Variants in EXOC7 observed in about 807,000 individuals in gnomAD.
EXOC7 encodes the protein exocyst complex component 7.
In EXOC7, 51 loss-of-function variants were observed where a neutral mutation model predicts 87.6. The ratio of observed to expected loss-of-function variants is 0.58; its 90% CI spans 0.46 to 0.73. EXOC7 has a LOEUF of 0.73. EXOC7 is among the 30% of genes least tolerant of loss of function. The pLI, the probability that EXOC7 is intolerant of heterozygous loss-of-function variation, is 0.00. For missense variants in EXOC7, 744 were observed against 888.4 expected, an observed-to-expected ratio of 0.84 and a Z score of 2.07; for synonymous variants, 327 against 357.1, an observed-to-expected ratio of 0.92 and a Z score of 0.95.
In EXOC7 at chr17:76,081,318, TGTGA is replaced by T. The variant is rs766215353; in HGVS notation, c.*2326_*2329del. The T allele has an allele frequency of 1.2e-6, 2 of 1,614,056 alleles. No individual in the cohort carries two copies. Among genetic ancestry groups the T allele is most frequent in the African/African-American group, 1.3e-5 (1 of 75,024 alleles). ...TCCAGGCCCACGTGGTGAACGAGAT[TGTGA>T]GTGTCAAGAGGGAATACGTAGTTTA... On this transcript the variant is annotated 3_prime_UTR_variant, in exon 19 of 19. Transcript: ENST00000589210.
intron 16 of EXOC7, 34 bp from the exon 17 acceptor site, chr17:76,084,323 A>G (rs751027636): frequency 8.1e-6 from 13 of 1,612,838 alleles, no homozygotes; most frequent in Non-Finnish European, 1.0e-5. Context: ...GAGAAAGCTC[A>G]CTTCAGAGCA....
intron 4 of EXOC7, chr17:76,101,037 G>A: frequency 1.6e-6 from 1 of 620,054 alleles, no homozygotes; most frequent in Non-Finnish European, 2.2e-6. Context: ...TATTTTATAT[G>A]TAATTTATAA....
intron 18 of EXOC7, 97 bp downstream of exon 18, chr17:76,083,909 C>T (rs1037268290): frequency 8.5e-5 from 126 of 1,489,120 alleles, no homozygotes; most frequent in Non-Finnish European, 1.1e-4. Flanking sequence ...CTGCCTAAAT[C>T]CACCACCCTT....
chr17:76,086,174 G>A, intron 12 of EXOC7, 29 bp from the exon 13 acceptor site: 1 of 1,609,622 alleles, frequency 6.2e-7, no homozygotes, highest in Non-Finnish European at 8.5e-7. Context: ...TGTTATTGCA[G>A]TGGCAGCAGC....
chr17:76,084,356 C>T lies in EXOC7; in HGVS notation c.1777-67G>A, dbSNP rs759401810. On this transcript the variant is annotated intron_variant, in intron 16 of 18. Transcript: ENST00000589210. Reference sequence around the variant, plus strand: ...GCAGAGCAGCCTTCCCCCACTCTTCCCCAAACACCCTTGGTCTGGGCCTGT... The same window carrying T: ...GCAGAGCAGCCTTCCCCCACTCTTCTCCAAACACCCTTGGTCTGGGCCTGT... 2.5e-6 allele frequency: 4 copies of T among 1,608,846 alleles called. No homozygotes were observed. In the South Asian group the frequency reaches 3.3e-5, roughly 13 times the overall value.
chr17:76,098,215 C>T (rs1242125542), intron 4 of EXOC7, 197 bp from the exon 5 acceptor site: 3 of 552,564 alleles, frequency 5.4e-6, no homozygotes, highest in Non-Finnish European at 9.7e-6. Context: ...TGGCTCACTG[C>T]AACCTCCGAC....
rs1297418232 is a variant in EXOC7, at chr17:76,083,828, T to TA, written c.1953-79dup. The TA allele has an allele frequency of 3.9e-6, 6 of 1,544,636 alleles. No homozygotes were observed. In the East Asian group the frequency reaches 1.1e-4, roughly 29 times the overall value. ...CACCCTCAGCCTAAGGCACTCCTGATAGTCTTGGAAGGGGTGGCCCTGAGC... is the reference window on the plus strand; with the variant it reads ...CACCCTCAGCCTAAGGCACTCCTGATAAGTCTTGGAAGGGGTGGCCCTGAGC... On this transcript the variant is annotated intron_variant, in intron 18 of 18. Coordinates refer to ENST00000589210, the MANE Select transcript of EXOC7 (RefSeq NM_001013839.4).
intron 6 of EXOC7, chr17:76,092,283 A>AT (rs1389295083): frequency 6.9e-6 from 1 of 143,928 alleles, no homozygotes; most frequent in Non-Finnish European, 1.5e-5. Context: ...CAACACCACA[A>AT]TTAGCTTGTT....
At chr17:76,090,565 C>T (rs113648375) in intron 7 of EXOC7, 1 of 1,343,966 alleles carries the variant, frequency 7.4e-7, no homozygotes, top group Non-Finnish European at 1.0e-6. Context: ...TACCTCAAGC[C>T]ACCTTGGGAA....
At chr17:76,092,542 C>T (rs1235917937) in intron 6 of EXOC7, 1 of 152,238 alleles carries the variant, frequency 6.6e-6, no homozygotes, top group Non-Finnish European at 1.5e-5. Context: ...AGGTGATCCG[C>T]CCGCCTCGGC....
Position 76,082,709 on chromosome 17 carries a change from G to C in EXOC7, c.*939C>G. The C allele has an allele frequency of 2.6e-6, 4 of 1,516,784 alleles. No individual in the cohort carries two copies. Among genetic ancestry groups the C allele is most frequent in the Non-Finnish European group, 3.5e-6 (4 of 1,131,390 alleles). The allele number at this position is 1,516,784 out of a possible 1,614,324, so 94.0% of individuals were successfully genotyped here. On this transcript the variant is annotated 3_prime_UTR_variant, in exon 19 of 19. Transcript: ENST00000589210. The stretch of plus-strand genomic sequence containing the variant: ...ATGAAGTTTGCTTTCCCATGGCTGG[G>C]GGCGGGCCATGACAGGGCCTCTGGA...
intron 11 of EXOC7, 110 bp from the exon 12 acceptor site, chr17:76,087,830 G>T: frequency 8.3e-7 from 1 of 1,201,262 alleles, no homozygotes; most frequent in Non-Finnish European, 1.2e-6. Flanking sequence ...GATCCGCCCA[G>T]TGAAGAGCGC....
rs1346881797 is a variant in EXOC7 at position 76,081,762 on chromosome 17, C to T, written c.*1886G>A. The T allele has an allele frequency of 6.8e-6, 11 of 1,613,928 alleles. No homozygotes were observed. The highest frequency in any genetic ancestry group is 8.5e-6 in the Non-Finnish European group (10 of 1,180,004). ...TCCTGCAACCCACTGCTCAGTAAGC[C>T]CTGCTCCCTTACCCAGTCTGCCCTG... On this transcript the variant is annotated 3_prime_UTR_variant, in exon 19 of 19. Coordinates refer to ENST00000589210, the MANE Select transcript of EXOC7 (RefSeq NM_001013839.4).
Position 76,088,445 on chromosome 17 carries a change from A to G in EXOC7, c.1299+19T>C. 6.2e-7 allele frequency: 1 copy of G among 1,610,228 alleles called. No homozygotes were observed. The highest frequency in any genetic ancestry group is 8.5e-7 in the Non-Finnish European group (1 of 1,177,404). ...GTGCTGGGCCGGGAGGGAGGGAGAA[A>G]GGGGAGGACAGCAGGGACCTTGATG... is the stretch of plus-strand genomic sequence containing the variant. On this transcript the variant is annotated intron_variant, in intron 10 of 18. Transcript: ENST00000589210.
At chr17:76,103,111 G>A (rs183934218) in intron 2 of EXOC7, 1 of 541,788 alleles carries the variant, frequency 1.8e-6, no homozygotes, top group Non-Finnish European at 3.3e-6. Flanking sequence ...AGAGAAGGAA[G>A]AATGGCGAGC....
Position 76,084,023 on chromosome 17 carries a change from G to A in EXOC7, c.1935C>T (p.Tyr645=), listed in dbSNP as rs528574534. Residue 645 remains tyrosine, a synonymous_variant, in exon 18 of 19, where the codon TAC becomes TAT. Coordinates refer to ENST00000589210, the MANE Select transcript of EXOC7 (RefSeq NM_001013839.4). ...GGCCTCACTTCTGTAGAAAGGCCCC[G>A]TAGGTCTCCTTGACAATGGTCTTCT... ...QAQKTIVKET[Y]GAFLQKFGSV... is the part of the protein sequence containing the mutation. 1.1e-5 allele frequency: 17 copies of A among 1,596,156 alleles called. 1 individual carries two copies. The South Asian group carries it at 1.3e-4, about 12-fold the overall frequency.
chr17:76,098,139 A>T, intron 4 of EXOC7, 121 bp from the exon 5 acceptor site: 4 of 772,178 alleles, frequency 5.2e-6, no homozygotes, highest in Non-Finnish European at 8.2e-6. Flanking sequence ...TTCTGCCCTG[A>T]TATCTTTTTT....
intron 4 of EXOC7, among the ~76,000 whole-genome samples, chr17:76,100,582 G>A (rs1402535746): frequency 2.0e-5 from 3 of 151,224 alleles, no homozygotes; most frequent in South Asian, 2.1e-4. Context: ...GCAGTGAGCC[G>A]AGATCGTGCC....
chr17:76,089,497 G>T, intron 7 of EXOC7, 177 bp from the exon 8 acceptor site: 1 of 703,676 alleles, frequency 1.4e-6, no homozygotes, highest in Non-Finnish European at 2.3e-6. Context: ...AGGTTCGAGG[G>T]GAATAAAAGG....
Sources: gnomAD v4.1 joint callset for allele counts (sites outside exome capture counted in the v4.1 genomes callset) on GRCh38, gnomAD v4.1.1 for gene constraint, MANE v1.5 for transcripts, NCBI Gene and HGNC (gene_info 2026-07-23, HGNC 2026-07-21) for gene names.